Variants in LRRC7 observed in about 807,000 individuals in gnomAD.
LRRC7 encodes the protein leucine rich repeat containing 7, also known as leucine-rich repeat-containing protein 7.
A neutral mutation model predicts 175.7 loss-of-function variants in LRRC7; 23 were observed. The observed-to-expected ratio is 0.13, with a 90% CI of 0.09 to 0.19. LRRC7 has a LOEUF of 0.19. Ranked by LOEUF, LRRC7 falls within the 10% of genes least tolerant of loss-of-function variation. LRRC7 has a pLI of 1.00. For missense variants in LRRC7, 1,354 were observed against 1,904.7 expected (o/e 0.71, Z 5.38); for synonymous variants, 685 against 680.9 (o/e 1.01, Z -0.09).
At chr1:69,774,386 G>T (rs1293787476) in intron 3 of LRRC7, among the ~76,000 whole-genome samples, 1 of 152,090 alleles carries the variant, frequency 6.6e-6, no homozygotes, top group Admixed American at 6.5e-5. Flanking sequence ...GCTAAAAAAT[G>T]AAGCAACTTC....
At chr1:69,660,910 TA>T (rs1193209539) in intron 1 of LRRC7, among the ~76,000 whole-genome samples, 1 of 152,100 alleles carries the variant, frequency 6.6e-6, no homozygotes, top group Admixed American at 6.6e-5. Flanking sequence ...GATTGTAGCA[TA>T]AAGGCTGTAC....
At chr1:69,907,773 C>T (rs2101689207) in intron 7 of LRRC7, among the ~76,000 whole-genome samples, 1 of 152,268 alleles carries the variant, frequency 6.6e-6, no homozygotes, top group Non-Finnish European at 1.5e-5. Flanking sequence ...ATGCTGGCCT[C>T]ATAAAATGAG....
chr1:69,574,602 A>G (rs1237591679), intron 1 of LRRC7, among the ~76,000 whole-genome samples: 1 of 152,196 alleles, frequency 6.6e-6, no homozygotes, highest in Non-Finnish European at 1.5e-5. Context: ...GAACTTAAAG[A>G]ATTAATATGT....
chr1:70,069,386 A>C (rs1662214907), intron 23 of LRRC7, among the ~76,000 whole-genome samples: 1 of 152,144 alleles, frequency 6.6e-6, no homozygotes, highest in Non-Finnish European at 1.5e-5. Context: ...AGCGTAGGAG[A>C]AACTGCCCCC....
chr1:69,656,123 GC>G (rs1354860353), intron 1 of LRRC7, among the ~76,000 whole-genome samples: 1 of 151,882 alleles, frequency 6.6e-6, no homozygotes, highest in Non-Finnish European at 1.5e-5. Context: ...GAAATGGGAT[GC>G]AAAAGAGCCA....
chr1:70,134,540 C>T lies in LRRC7; in HGVS notation c.*12653C>T, dbSNP rs933900993. On this transcript the variant is annotated 3_prime_UTR_variant, in exon 27 of 27. Transcript: ENST00000651989. The stretch of plus-strand genomic sequence containing the variant: ...CCAACCATTTAATCTTTTTTTCTTC[C>T]AACCCGGAGCAAAGGTAGAGGGAAG... Among the ~76,000 whole-genome samples, 2 of 152,028 alleles carry T rather than the reference C, an allele frequency of 1.3e-5. No individual in the cohort carries two copies. The highest frequency in any genetic ancestry group is 4.8e-5 in the African/African-American group (2 of 41,400).
chr1:69,663,262 G>A (rs1657748921), intron 1 of LRRC7, among the ~76,000 whole-genome samples: 1 of 148,190 alleles, frequency 6.7e-6, no homozygotes, highest in Non-Finnish European at 1.5e-5. Flanking sequence ...GCTTTCAGAT[G>A]TGCTGTAGTA....
chr1:70,042,093 CTT>C (rs1659952625), intron 21 of LRRC7, among the ~76,000 whole-genome samples: 1 of 152,168 alleles, frequency 6.6e-6, no homozygotes, highest in African/African-American at 2.4e-5. Flanking sequence ...AAGAAATTAA[CTT>C]ACCTTAGAGT....
Position 70,116,743 on chromosome 1 carries a change from A to G in LRRC7, c.4621-5037A>G, listed in dbSNP as rs1405294339. Among the ~76,000 whole-genome samples, 3 of 152,204 alleles carry G rather than the reference A, an allele frequency of 2.0e-5. No individual in the cohort carries two copies. The South Asian group carries it at 6.2e-4, about 32-fold the overall frequency. ...TTTGATAGAAAGGAAAGTTTTTTAA[A>G]TAGCTTGGCATAGAGTCAATATAGT... On this transcript the variant is annotated intron_variant, in intron 26 of 26. Coordinates refer to ENST00000651989, the MANE Select transcript of LRRC7 (RefSeq NM_001370785.2).
intron 7 of LRRC7, among the ~76,000 whole-genome samples, chr1:69,924,400 G>A (rs1375293706): frequency 2.0e-5 from 3 of 152,118 alleles, no homozygotes; most frequent in African/African-American, 4.8e-5. Flanking sequence ...GGGCAGTATG[G>A]GCATTTTTAC....
At chr1:69,624,524 T>G (rs990076153) in intron 1 of LRRC7, among the ~76,000 whole-genome samples, 4 of 152,078 alleles carry the variant, frequency 2.6e-5, no homozygotes, top group Non-Finnish European at 5.9e-5. Context: ...AATATCAAAT[T>G]TATTAATCTT....
intron 15 of LRRC7, among the ~76,000 whole-genome samples, chr1:70,020,261 AT>A (rs1455761535): frequency 5.9e-5 from 9 of 151,918 alleles, no homozygotes; most frequent in African/African-American, 2.2e-4. Flanking sequence ...CTTTTATTGC[AT>A]TTTCATGTGA....
chr1:69,934,494 CGG>C (rs573858643), intron 8 of LRRC7, among the ~76,000 whole-genome samples: 4 of 46,574 alleles, frequency 8.6e-5, no homozygotes, highest in South Asian at 7.8e-4. Context: ...GATATTTTGG[CGG>C]GGGGGGGGCG....
At chr1:70,054,154 G>A (rs772332777) in intron 23 of LRRC7, among the ~76,000 whole-genome samples, 1 of 152,076 alleles carries the variant, frequency 6.6e-6, no homozygotes, top group Non-Finnish European at 1.5e-5. Flanking sequence ...ATGTCATTCA[G>A]GGTACTTGAA....
intron 1 of LRRC7, among the ~76,000 whole-genome samples, chr1:69,632,608 G>C (rs1049978830): frequency 1.3e-5 from 2 of 151,808 alleles, no homozygotes; most frequent in African/African-American, 4.8e-5. Context: ...TCTTCTCATA[G>C]TGTTTTGCCC....
intron 1 of LRRC7, chr1:69,606,839 A>G (rs1647665101): frequency 6.6e-6 from 1 of 152,034 alleles, no homozygotes; most frequent in South Asian, 2.1e-4. Flanking sequence ...TCTTTTTTAG[A>G]GTTTTCTTTT....
intron 24 of LRRC7, among the ~76,000 whole-genome samples, chr1:70,078,318 G>GTT (rs1042542270): frequency 6.6e-6 from 1 of 152,168 alleles, no homozygotes; most frequent in African/African-American, 2.4e-5. Flanking sequence ...CCTTGAGTCA[G>GTT]TTTCTTAAAG....
chr1:69,851,458 A>G (rs1216325033), intron 7 of LRRC7, among the ~76,000 whole-genome samples: 1 of 152,102 alleles, frequency 6.6e-6, no homozygotes, highest in Non-Finnish European at 1.5e-5. Context: ...AAGAGAAGGG[A>G]AATAATTACC....
chr1:69,761,988 T>C (rs2100945629), intron 3 of LRRC7, among the ~76,000 whole-genome samples: 1 of 152,060 alleles, frequency 6.6e-6, no homozygotes, highest in South Asian at 2.1e-4. Context: ...CAGAAAGAAA[T>C]AGAGGACACC....
Sources: allele counts gnomAD v4.1 joint callset (sites outside exome capture counted in the v4.1 genomes callset), GRCh38; gene constraint gnomAD v4.1.1; transcripts MANE v1.5; gene names NCBI Gene and HGNC (gene_info 2026-07-23, HGNC 2026-07-21).